TUSC3: variants seen among roughly 807,000 people sequenced by gnomAD.
TUSC3 encodes tumor suppressor candidate 3, also known as dolichyl-diphosphooligosaccharide--protein glycosyltransferase subunit TUSC3.
Under a neutral mutation model 44.8 loss-of-function variants are expected in TUSC3, and 45 were observed. The ratio of observed to expected loss-of-function variants is 1.00; its 90% CI spans 0.79 to 1.29. TUSC3 has a LOEUF of 1.29. Ranked by LOEUF, TUSC3 falls within the 50% of genes most tolerant of loss-of-function variation. The pLI, the probability that TUSC3 is intolerant of heterozygous loss-of-function variation, is 0.00. For missense variants in TUSC3, 519 were observed against 437.9 expected, an observed-to-expected ratio of 1.19 and a Z score of -1.65; for synonymous variants, 212 against 152.9, an observed-to-expected ratio of 1.39 and a Z score of -2.85.
chr8:15,432,940 G>A (rs1411331537), intron 1 of TUSC3, among the ~76,000 whole-genome samples: 2 of 152,274 alleles, frequency 1.3e-5, no homozygotes, highest in Admixed American at 1.3e-4. Flanking sequence ...ACCTTGTTAA[G>A]AAGAACAGAA....
chr8:15,462,753 C>A (rs190404747), intron 1 of TUSC3, among the ~76,000 whole-genome samples: 1 of 152,020 alleles, frequency 6.6e-6, no homozygotes, highest in African/African-American at 2.4e-5. Context: ...ACTTTTGCAC[C>A]AGTACAGAGC....
At chr8:15,609,216 GT>G (rs1411521633) in intron 1 of TUSC3, among the ~76,000 whole-genome samples, 2 of 152,068 alleles carry the variant, frequency 1.3e-5, no homozygotes, top group Non-Finnish European at 2.9e-5. Context: ...GTTAGTAAAA[GT>G]TTTTTTCAGC....
At position 15,758,237 on chromosome 8, in the gene TUSC3, C is replaced by T. The variant is rs1021641330; in HGVS notation, c.*46+382C>T. ...TTTTCCCATTAACAAATAATGTAAG[C>T]CTTAATATTCAAGGGTAATAAAAAA... On this transcript the variant is annotated intron_variant, in intron 10 of 10. Coordinates refer to ENST00000503731, the MANE Select transcript of TUSC3 (RefSeq NM_006765.4). The T allele has an allele frequency of 1.3e-5, 13 of 997,456 alleles. No individual in the cohort carries two copies. The African/African-American group carries it at 2.1e-4, about 16-fold the overall frequency. The allele number at this position is 997,456 out of a possible 1,614,324, so 61.8% of individuals were successfully genotyped here. A position where few individuals can be genotyped will look rare whatever the true frequency, so the allele number is the denominator to read the frequency against.
chr8:15,801,448 G>T, the TUSC3 span, among the ~76,000 whole-genome samples: 1 of 152,238 alleles, frequency 6.6e-6, no homozygotes, highest in Non-Finnish European at 1.5e-5. Flanking sequence ...CAAACTGTTT[G>T]GAGAATTCAT....
intron 6 of TUSC3, among the ~76,000 whole-genome samples, chr8:15,715,950 T>A (rs892514022): frequency 2.0e-5 from 3 of 152,110 alleles, no homozygotes; most frequent in Admixed American, 1.3e-4. Context: ...GAGTTTTGAC[T>A]GTGCTTACAT....
intron 1 of TUSC3, among the ~76,000 whole-genome samples, chr8:15,482,002 A>G (rs1217976327): frequency 3.3e-5 from 5 of 152,208 alleles, no homozygotes; most frequent in Non-Finnish European, 4.4e-5. Flanking sequence ...TCTCCAATCC[A>G]GCTGCTTCTT....
chr8:15,692,770 A>G (rs1019362670), intron 6 of TUSC3, among the ~76,000 whole-genome samples: 5 of 151,586 alleles, frequency 3.3e-5, no homozygotes, highest in South Asian at 4.2e-4. Context: ...CTAGTGGTCA[A>G]TTTACTAGTT....
In TUSC3 at chr8:15,437,866, G is replaced by C. The variant is rs115247898; in HGVS notation, n.91+20561G>C. ...TCATCTATTAAATTCACCTCTGCTC[G>C]TGTATAAAATGAATGCACCCTGTTG... On this transcript the variant is annotated intron_variant and non_coding_transcript_variant, in intron 1 of 5. Transcript: ENST00000503191. 7.3e-3 allele frequency among the ~76,000 whole-genome samples: 1,105 copies of C among 152,242 alleles called. 12 individuals carry two copies. Among genetic ancestry groups the C allele is most frequent in the African/African-American group, 0.025 (1,023 of 41,562 alleles).
chr8:15,821,354 T>C, the TUSC3 span, among the ~76,000 whole-genome samples: 2 of 105,966 alleles, frequency 1.9e-5, no homozygotes, highest in Non-Finnish European at 3.7e-5. Flanking sequence ...TTAATGTATC[T>C]AGGCATTTTT....
intron 4 of TUSC3, among the ~76,000 whole-genome samples, chr8:15,661,948 T>C (rs1367163297): frequency 6.6e-6 from 1 of 151,962 alleles, no homozygotes; most frequent in African/African-American, 2.4e-5. Context: ...TTGTTAGTCA[T>C]CAGGGAAGTG....
At chr8:15,719,244 T>A (rs1417580225) in intron 6 of TUSC3, among the ~76,000 whole-genome samples, 6 of 152,096 alleles carry the variant, frequency 3.9e-5, no homozygotes, top group Non-Finnish European at 1.5e-5. Context: ...TGAACATGTT[T>A]CTATCTTAAG....
At chr8:15,781,364 C>A in the TUSC3 span, among the ~76,000 whole-genome samples, 1 of 152,160 alleles carries the variant, frequency 6.6e-6, no homozygotes, top group Non-Finnish European at 1.5e-5. Flanking sequence ...ATATCCTAAT[C>A]TTCTGGGGCC....
upstream of TUSC3, among the ~76,000 whole-genome samples, chr8:15,538,733 C>G (rs1283770990): frequency 6.6e-6 from 1 of 152,180 alleles, no homozygotes; most frequent in Non-Finnish European, 1.5e-5. Context: ...GTAGTATTAT[C>G]AGTACCTACA....
At chr8:15,662,079 T>G in intron 4 of TUSC3, 77 bp from the exon 5 acceptor site, 1 of 1,533,674 alleles carries the variant, frequency 6.5e-7, no homozygotes, top group Non-Finnish European at 9.0e-7. Flanking sequence ...GCGTTGAAAA[T>G]TATGAGGACT....
chr8:15,659,788 AATG>A, intron 4 of TUSC3, 141 bp downstream of exon 4: 1 of 1,080,826 alleles, frequency 9.3e-7, no homozygotes, highest in Non-Finnish European at 1.4e-6. Flanking sequence ...GATTACTGCA[AATG>A]ATAAGTTGGA....
intron 2 of TUSC3, among the ~76,000 whole-genome samples, chr8:15,485,952 G>A (rs1475703276): frequency 6.6e-6 from 1 of 151,846 alleles, no homozygotes; most frequent in African/African-American, 2.4e-5. Context: ...CACCAAGCCC[G>A]GCTTATTTTT....
intron 4 of TUSC3, among the ~76,000 whole-genome samples, chr8:15,661,528 C>T (rs1164774645): frequency 1.3e-5 from 2 of 151,934 alleles, no homozygotes; most frequent in Admixed American, 6.6e-5. Flanking sequence ...TTGTTTTAAT[C>T]ACCTCTATAG....
chr8:15,646,121 C>T (rs111892318), intron 2 of TUSC3, among the ~76,000 whole-genome samples: 1 of 152,082 alleles, frequency 6.6e-6, no homozygotes, highest in Non-Finnish European at 1.5e-5. Context: ...CTGTTTCAGA[C>T]ATTTCCATCA....
intron 1 of TUSC3, among the ~76,000 whole-genome samples, chr8:15,448,055 A>G (rs1209507574): frequency 1.4e-5 from 2 of 147,318 alleles, no homozygotes; most frequent in East Asian, 3.9e-4. Flanking sequence ...CACAGCACAG[A>G]TATAAAGCAT....
Sources: allele counts gnomAD v4.1 joint callset (sites outside exome capture counted in the v4.1 genomes callset), GRCh38; gene constraint gnomAD v4.1.1; transcripts MANE v1.5; gene names NCBI Gene and HGNC (gene_info 2026-07-23, HGNC 2026-07-21).